The following GEMIN5 variants were observed in gnomAD, a reference collection of about 807,000 sequenced individuals.
GEMIN5 encodes the protein gem nuclear organelle associated protein 5.
Under a neutral mutation model 176.9 loss-of-function variants are expected in GEMIN5, and 124 were observed. The ratio of observed to expected loss-of-function variants is 0.70; its 90% CI spans 0.61 to 0.81. The LOEUF is 0.81. GEMIN5 is among the 40% of genes least tolerant of loss of function. The pLI is 0.00. For synonymous variants in GEMIN5, 673 were observed against 665.2 expected, an observed-to-expected ratio of 1.01 and a Z score of -0.18; for missense variants, 1,843 against 1,814.6, an observed-to-expected ratio of 1.02 and a Z score of -0.28.
At position 154,916,988 on chromosome 5, in the gene GEMIN5, C is replaced by T. The variant is rs764080917; in HGVS notation, c.1855+10G>A. 11 of 1,519,552 alleles carry T rather than the reference C, an allele frequency of 7.2e-6. No individual in the cohort carries two copies. The highest frequency in any genetic ancestry group is 9.9e-6 in the Non-Finnish European group (11 of 1,116,486). 94.1% of individuals were successfully genotyped at this position (1,519,552 alleles called of 1,614,324 possible). A position where few individuals can be genotyped will look rare whatever the true frequency, so the allele number is the denominator to read the frequency against. On this transcript the variant is annotated intron_variant, in intron 13 of 27. Transcript: ENST00000285873. ...GATATCATCCCCAGTATGAAAGAAA[C>T]CAAAGTTACCTATGACAGTCTTCAG...
intron 23 of GEMIN5, among the ~76,000 whole-genome samples, chr5:154,897,122 T>A (rs1010659576): frequency 6.6e-6 from 1 of 152,230 alleles, no homozygotes; most frequent in African/African-American, 2.4e-5. Flanking sequence ...TTTCTAGACT[T>A]GGTCATTTTA....
At chr5:154,912,602 GCATAT>G (rs935939254) in intron 14 of GEMIN5, among the ~76,000 whole-genome samples, 32 of 152,092 alleles carry the variant, frequency 2.1e-4, no homozygotes, top group African/African-American at 7.0e-4. Flanking sequence ...AGAGTACTTT[GCATAT>G]CATATTAGTC....
chr5:154,937,564 G>A (rs1764295551), intron 1 of GEMIN5, among the ~76,000 whole-genome samples: 1 of 152,224 alleles, frequency 6.6e-6, no homozygotes, highest in South Asian at 2.1e-4. Flanking sequence ...GAAAGCATCT[G>A]GTTCAACCCA....
At position 154,911,729 on chromosome 5, in the gene GEMIN5, T is replaced by C. The variant is rs756933219; in HGVS notation, c.2165A>G (p.Gln722Arg). Residue 722 changes from glutamine (Q) to arginine (R), a missense_variant and splice_region_variant, in exon 15 of 28, where the codon CAA becomes CGA. Coordinates refer to ENST00000285873, the MANE Select transcript of GEMIN5 (RefSeq NM_015465.5). ...ATAAGCTCTAGGTTCTGACTGACCTTGAGGAGGCCGGGAATGATCTTGCAT... is the reference window on the plus strand; with the variant it reads ...ATAAGCTCTAGGTTCTGACTGACCTCGAGGAGGCCGGGAATGATCTTGCAT... ...TSMQDHSRPP[Q>R]GKKSIELEKK... 2 of 1,612,304 alleles carry C rather than the reference T, an allele frequency of 1.2e-6. No individual in the cohort carries two copies. The highest frequency in any genetic ancestry group is 2.2e-5 in the South Asian group (2 of 90,942).
chr5:154,937,711 G>A (rs973836378), intron 1 of GEMIN5, among the ~76,000 whole-genome samples: 1 of 152,204 alleles, frequency 6.6e-6, no homozygotes, highest in African/African-American at 2.4e-5. Context: ...ATAAATGGCC[G>A]AGACTATACA....
At chr5:154,920,222 C>G in intron 10 of GEMIN5, 119 bp from the exon 11 acceptor site, 1 of 622,954 alleles carries the variant, frequency 1.6e-6, no homozygotes, top group Non-Finnish European at 2.6e-6. Flanking sequence ...ATATTTGAAA[C>G]ATTCTAATAC....
chr5:154,888,836 T>A (rs10075074), intron 27 of GEMIN5, among the ~76,000 whole-genome samples: 6 of 144,836 alleles, frequency 4.1e-5, no homozygotes, highest in African/African-American at 1.5e-4. Flanking sequence ...ACCAAAGTAA[T>A]TGGATTCTAA....
At chr5:154,901,549 T>G in intron 20 of GEMIN5, 63 bp from the exon 21 acceptor site, 1 of 1,501,286 alleles carries the variant, frequency 6.7e-7, no homozygotes, top group Non-Finnish European at 9.2e-7. Flanking sequence ...CAATACCCAG[T>G]ACATTTGGGT....
intron 13 of GEMIN5, 52 bp downstream of exon 13, chr5:154,916,946 A>T: frequency 6.4e-6 from 6 of 940,420 alleles, no homozygotes; most frequent in Non-Finnish European, 9.1e-6. Flanking sequence ...ATTAGAATGG[A>T]AAGTAGCTGA....
rs1763418234 is a variant in GEMIN5 at position 154,899,294 on chromosome 5, C to A, written c.3031G>T (p.Ala1011Ser). 2 of 1,610,960 alleles carry A rather than the reference C, an allele frequency of 1.2e-6. No individual in the cohort carries two copies. The highest frequency in any genetic ancestry group is 4.5e-5 in the East Asian group (2 of 44,802). The change falls in exon 22 of 28, where the codon GCC becomes TCC. Residue 1011 changes from alanine (A) to serine (S), a missense_variant. Coordinates refer to ENST00000285873, the MANE Select transcript of GEMIN5 (RefSeq NM_015465.5). ...NHFYREAIAI[A>S]KARLRPEDPV... ...TCCTCCGGGCGCAGCCGGGCCTTGG[C>A]AATCGCAATAGCTTCCCTAAAGGCA...
intron 13 of GEMIN5, among the ~76,000 whole-genome samples, chr5:154,915,735 CG>C (rs1763796812): frequency 6.6e-6 from 1 of 152,112 alleles, no homozygotes; most frequent in Non-Finnish European, 1.5e-5. Flanking sequence ...CAATCAAACA[CG>C]GGAATGAGGT....
intron 24 of GEMIN5, among the ~76,000 whole-genome samples, chr5:154,893,815 C>T (rs1191968553): frequency 1.3e-5 from 2 of 152,186 alleles, no homozygotes; most frequent in African/African-American, 4.8e-5. Flanking sequence ...ACGATCTCGG[C>T]TCACTGTAAG....
rs1196213316 is a variant in GEMIN5, at chr5:154,896,239, CGTGTTCCAA to C, written c.3441_3449del (p.Trp1148_Thr1150del). ...TCTCCACGAAAGGCCCTTCGGTGCC[CGTGTTCCAA>C]GTGTGGTAAGAGGAGGAGCTTTTGC... On this transcript the variant is annotated inframe_deletion, in exon 24 of 28. Transcript: ENST00000285873. 3.1e-6 allele frequency: 5 copies of C among 1,613,770 alleles called. No individual in the cohort carries two copies. In the East Asian group the frequency reaches 1.1e-4, roughly 36 times the overall value.
At chr5:154,912,023 G>T in intron 14 of GEMIN5, 125 bp from the exon 15 acceptor site, 1 of 818,924 alleles carries the variant, frequency 1.2e-6, no homozygotes, top group South Asian at 1.9e-5. Context: ...ATTTCCTCAG[G>T]TGATTTAGAG....
intron 15 of GEMIN5, among the ~76,000 whole-genome samples, chr5:154,910,734 T>C (rs775905236): frequency 1.8e-4 from 28 of 152,368 alleles, no homozygotes; most frequent in Non-Finnish European, 1.2e-4. Flanking sequence ...AGTCTCGCTG[T>C]GTCACCCAGG....
chr5:154,931,401 C>A, intron 5 of GEMIN5, 57 bp downstream of exon 5: 1 of 1,529,094 alleles, frequency 6.5e-7, no homozygotes, highest in Non-Finnish European at 8.9e-7. Context: ...GAACAGAAAA[C>A]CCTCTACTTC....
At chr5:154,908,172 CTTTTTTTTTTT>C (rs386405383) in intron 15 of GEMIN5, among the ~76,000 whole-genome samples, 9 of 73,080 alleles carry the variant, frequency 1.2e-4, no homozygotes, top group Non-Finnish European at 1.8e-4. Flanking sequence ...CCCAGATGTC[CTTTTTTTTTTT>C]TTTTTTTTTT....
At position 154,932,334 on chromosome 5, in the gene GEMIN5, T is replaced by C. The variant is rs1433509839; in HGVS notation, c.510-84A>G. 4.3e-6 allele frequency: 4 copies of C among 925,140 alleles called. No individual in the cohort carries two copies. In the African/African-American group the frequency reaches 5.1e-5, roughly 12 times the overall value. 57.3% of individuals were successfully genotyped at this position (925,140 alleles called of 1,614,324 possible). On this transcript the variant is annotated intron_variant, in intron 3 of 27. Transcript: ENST00000285873. The stretch of plus-strand genomic sequence containing the variant: ...TAAACATTTTGGCTTGGAGTTACCA[T>C]TGGCGCATTCCTTAAAGTTAGGTGC...
Position 154,912,928 on chromosome 5 carries a change from C to T in GEMIN5, c.1966G>A (p.Val656Ile), listed in dbSNP as rs1561719163. 6.2e-7 allele frequency: 1 copy of T among 1,613,770 alleles called. No individual in the cohort carries two copies. Among genetic ancestry groups the T allele is most frequent in the Admixed American group, 1.7e-5 (1 of 60,020 alleles). The change falls in exon 14 of 28, where the codon GTA (valine) becomes ATA (isoleucine). Residue 656 changes from valine to isoleucine, a missense_variant. Coordinates refer to ENST00000285873, the MANE Select transcript of GEMIN5 (RefSeq NM_015465.5). ...AWSPHHDGRL[V>I]SASYDGTAQV... ...GCTGTACCATCATAGGAAGCAGATA[C>T]CAGCCTTCCATCATGATGTGGGCTC...
Sources: gnomAD v4.1 joint callset for allele counts (sites outside exome capture counted in the v4.1 genomes callset) on GRCh38, gnomAD v4.1.1 for gene constraint, MANE v1.5 for transcripts, NCBI Gene and HGNC (gene_info 2026-07-23, HGNC 2026-07-21) for gene names.